COL4A1: variants seen among roughly 807,000 people sequenced by gnomAD.
COL4A1 encodes the protein collagen alpha-1(IV) chain.
In COL4A1, 40 loss-of-function variants were observed where a neutral mutation model predicts 216.6. The ratio of observed to expected loss-of-function variants is 0.18; its 90% CI spans 0.14 to 0.24. The LOEUF (loss-of-function observed/expected upper bound fraction) is 0.24, where lower values mean the gene tolerates loss of function less well. Ranked by LOEUF, COL4A1 falls within the 10% of genes least tolerant of loss-of-function variation. The pLI is 1.00. For synonymous variants in COL4A1, 839 were observed against 810.7 expected (o/e 1.03, Z -0.59); for missense variants, 1,628 against 2,196.8 (o/e 0.74, Z 5.18).
intron 1 of COL4A1, among the ~76,000 whole-genome samples, chr13:110,305,658 G>T (rs1170444244): frequency 2.0e-5 from 3 of 152,236 alleles, no homozygotes; most frequent in Non-Finnish European, 4.4e-5. Context: ...TGGCTATGAA[G>T]TTTGGGGAGA....
At chr13:110,294,832 C>A (rs1884207445) in intron 1 of COL4A1, among the ~76,000 whole-genome samples, 1 of 152,166 alleles carries the variant, frequency 6.6e-6, no homozygotes, top group Admixed American at 6.5e-5. Flanking sequence ...GGCAGCAATT[C>A]TTTTCTGTTT....
intron 2 of COL4A1, among the ~76,000 whole-genome samples, chr13:110,223,633 T>C (rs1018352957): frequency 3.3e-5 from 5 of 152,228 alleles, no homozygotes; most frequent in Admixed American, 2.6e-4. Context: ...ACGGTGTGGA[T>C]GGTTGTGCAT....
At chr13:110,247,818 TGTGTGTGTGTGTGTGTGG>T (rs1272677941) in intron 1 of COL4A1, among the ~76,000 whole-genome samples, 7 of 120,346 alleles carry the variant, frequency 5.8e-5, no homozygotes, top group Admixed American at 9.2e-5. Context: ...TGTGTGTGTG[TGTGTGTGTGTGTGTGTGG>T]CAGAGAGAGA....
intron 1 of COL4A1, chr13:110,298,584 G>A (rs892154840): frequency 1.2e-4 from 19 of 152,186 alleles, no homozygotes; most frequent in African/African-American, 3.9e-4. Context: ...CAAAATTTAG[G>A]AGTTATTTTA....
chr13:110,215,829 G>A (rs143300601), intron 2 of COL4A1, among the ~76,000 whole-genome samples: 4 of 152,250 alleles, frequency 2.6e-5, no homozygotes, highest in East Asian at 1.9e-4. Flanking sequence ...ATCCAAAGTC[G>A]TCCTTCTTTC....
chr13:110,175,180 T>C, intron 37 of COL4A1, 38 bp downstream of exon 37: 5 of 1,613,082 alleles, frequency 3.1e-6, no homozygotes, highest in Non-Finnish European at 4.2e-6. Context: ...TCCACTGAGC[T>C]GGGAGAAGGG....
At chr13:110,213,363 T>C (rs1239812119) in intron 4 of COL4A1, among the ~76,000 whole-genome samples, 5 of 152,196 alleles carry the variant, frequency 3.3e-5, no homozygotes, top group Non-Finnish European at 5.9e-5. Flanking sequence ...TCCCATTTCA[T>C]CATTACTAAG....
At chr13:110,174,193 C>CT (rs1200300410) in intron 39 of COL4A1, among the ~76,000 whole-genome samples, 195 bp from the exon 40 acceptor site, 1 of 152,150 alleles carries the variant, frequency 6.6e-6, no homozygotes, top group African/African-American at 2.4e-5. Context: ...AACCCTGACC[C>CT]TCAAAAGCTG....
intron 1 of COL4A1, among the ~76,000 whole-genome samples, chr13:110,258,974 C>T (rs1882693623): frequency 6.6e-6 from 1 of 152,244 alleles, no homozygotes; most frequent in South Asian, 2.1e-4. Context: ...CTGAGGATCT[C>T]ATTCACCGGC....
intron 1 of COL4A1, among the ~76,000 whole-genome samples, chr13:110,264,411 C>G (rs1882945495): frequency 6.6e-6 from 1 of 152,192 alleles, no homozygotes; most frequent in Admixed American, 6.5e-5. Context: ...CCCTCCTAAC[C>G]CCTACCTGCG....
chr13:110,265,674 T>A lies in COL4A1; in HGVS notation c.85-22940A>T, dbSNP rs150040519. ...AGGAAAGGAGATCCTATGCACATCCTATGAGGAAATGTGGCACGTAAAACG... is the reference window on the plus strand; with the variant it reads ...AGGAAAGGAGATCCTATGCACATCCAATGAGGAAATGTGGCACGTAAAACG... On this transcript the variant is annotated intron_variant, in intron 1 of 51. Transcript: ENST00000375820. 84 of 152,342 alleles carry A rather than the reference T, an allele frequency of 5.5e-4. 1 individual carries two copies. The highest frequency in any genetic ancestry group is 1.9e-3 in the African/African-American group (80 of 41,574). The allele number at this position is 152,342 out of a possible 1,614,324, so 9.4% of individuals were successfully genotyped here. A position where few individuals can be genotyped will look rare whatever the true frequency, so the allele number is the denominator to read the frequency against.
At chr13:110,223,532 A>G (rs1248060170) in intron 2 of COL4A1, among the ~76,000 whole-genome samples, 1 of 152,226 alleles carries the variant, frequency 6.6e-6, no homozygotes, top group Admixed American at 6.5e-5. Context: ...TCTCAAATAT[A>G]TATTTTTAAA....
intron 1 of COL4A1, among the ~76,000 whole-genome samples, chr13:110,299,722 C>G (rs1166852702): frequency 6.6e-6 from 1 of 152,164 alleles, no homozygotes; most frequent in Admixed American, 6.5e-5. Context: ...ACGTCTGACC[C>G]GTTAATGCCA....
intron 42 of COL4A1, among the ~76,000 whole-genome samples, chr13:110,170,209 G>A (rs1459302407): frequency 4.6e-5 from 7 of 152,190 alleles, no homozygotes; most frequent in South Asian, 2.1e-4. Context: ...AGTGGTGCCC[G>A]GGCATCTGTG....
At chr13:110,297,687 C>T (rs562405494) in intron 1 of COL4A1, among the ~76,000 whole-genome samples, 30 of 152,272 alleles carry the variant, frequency 2.0e-4, no homozygotes, top group African/African-American at 7.0e-4. Context: ...AAATTTTCAA[C>T]GTAACATCTA....
chr13:110,250,951 T>C (rs1882046146), intron 1 of COL4A1, among the ~76,000 whole-genome samples: 2 of 152,228 alleles, frequency 1.3e-5, no homozygotes, highest in South Asian at 2.1e-4. Context: ...CTCCCACCCA[T>C]AGAGTTGTCA....
intron 1 of COL4A1, among the ~76,000 whole-genome samples, chr13:110,278,680 G>A (rs1488734591): frequency 1.3e-5 from 2 of 152,058 alleles, no homozygotes; most frequent in Non-Finnish European, 2.9e-5. Flanking sequence ...GCTCCTGATT[G>A]ATTTCATAAC....
intron 1 of COL4A1, among the ~76,000 whole-genome samples, chr13:110,252,537 TATG>T (rs1594090874): frequency 7.1e-4 from 7 of 9,912 alleles, no homozygotes; most frequent in South Asian, 9.1e-3. Flanking sequence ...TATACGTATA[TATG>T]TATTATATAT....
chr13:110,228,705 T>C (rs935138394), intron 2 of COL4A1, among the ~76,000 whole-genome samples: 11 of 152,168 alleles, frequency 7.2e-5, no homozygotes, highest in African/African-American at 2.4e-4. Context: ...CCTTATCCAA[T>C]AGGAAGCCCA....
Sources: allele counts gnomAD v4.1 joint callset (sites outside exome capture counted in the v4.1 genomes callset), GRCh38; gene constraint gnomAD v4.1.1; transcripts MANE v1.5; gene names NCBI Gene and HGNC (gene_info 2026-07-23, HGNC 2026-07-21).